DNAJC6: variants seen among roughly 807,000 people sequenced by gnomAD.
The protein encoded by DNAJC6 is auxilin.
A neutral mutation model predicts 110.0 loss-of-function variants in DNAJC6; 34 were observed. The observed-to-expected ratio is 0.31, with a 90% CI of 0.24 to 0.41. The LOEUF is 0.41. DNAJC6 is among the 10% of genes least tolerant of loss of function. DNAJC6 has a pLI of 1.00. For synonymous variants in DNAJC6, 406 were observed against 437.2 expected, an observed-to-expected ratio of 0.93 and a Z score of 0.89; for missense variants, 1,031 against 1,207.8, an observed-to-expected ratio of 0.85 and a Z score of 2.17.
intron 1 of DNAJC6, among the ~76,000 whole-genome samples, chr1:65,352,938 A>G (rs977616168): frequency 1.3e-5 from 2 of 152,134 alleles, no homozygotes; most frequent in African/African-American, 4.8e-5. Flanking sequence ...TGGTGCCTAT[A>G]TTGTCTCCCC....
At chr1:65,315,708 A>G (rs1570268115) in intron 1 of DNAJC6, among the ~76,000 whole-genome samples, 1 of 152,208 alleles carries the variant, frequency 6.6e-6, no homozygotes, top group African/African-American at 2.4e-5. Flanking sequence ...TATAAGGTAA[A>G]TGATAGTAAC....
intron 1 of DNAJC6, among the ~76,000 whole-genome samples, chr1:65,283,050 C>T (rs12024972): frequency 0.068 from 10,290 of 152,192 alleles, 516 homozygotes; most frequent in South Asian, 0.19. Flanking sequence ...CATCCTTCAT[C>T]CTCTAGCCTC....
chr1:65,274,467 C>G (rs1201424920), intron 1 of DNAJC6, among the ~76,000 whole-genome samples: 1 of 152,182 alleles, frequency 6.6e-6, no homozygotes, highest in African/African-American at 2.4e-5. Context: ...CAGGCGTGTG[C>G]CACCACACTC....
intron 1 of DNAJC6, among the ~76,000 whole-genome samples, chr1:65,348,624 T>C (rs1299778327): frequency 6.6e-6 from 1 of 152,084 alleles, no homozygotes; most frequent in Admixed American, 6.6e-5. Flanking sequence ...TATTTTCTCA[T>C]CCTTTGCTAT....
At chr1:65,309,255 G>A (rs1019671288), upstream of DNAJC6, among the ~76,000 whole-genome samples, 2 of 38,646 alleles carry the variant, frequency 5.2e-5, no homozygotes, top group Admixed American at 4.4e-4. Context: ...CCCCTCCCCC[G>A]ACCACCCCGC....
At chr1:65,363,801 C>A (rs913610434) in intron 1 of DNAJC6, among the ~76,000 whole-genome samples, 6 of 152,044 alleles carry the variant, frequency 3.9e-5, no homozygotes, top group African/African-American at 1.5e-4. Flanking sequence ...TTGAGAAGCC[C>A]TGGACTGGAG....
intron 18 of DNAJC6, 33 bp downstream of exon 18, chr1:65,411,459 C>A: frequency 6.3e-7 from 1 of 1,587,182 alleles, no homozygotes; most frequent in South Asian, 1.1e-5. Flanking sequence ...TGTAACTTGT[C>A]AGGTCCTTGC....
At chr1:65,276,526 G>A (rs1653676823) in intron 1 of DNAJC6, among the ~76,000 whole-genome samples, 5 of 152,050 alleles carry the variant, frequency 3.3e-5, no homozygotes, top group Admixed American at 3.3e-4. Context: ...GTCTACTTCT[G>A]GTTCTCCTAA....
At chr1:65,390,728 C>T (rs1040989415) in intron 11 of DNAJC6, among the ~76,000 whole-genome samples, 1 of 152,172 alleles carries the variant, frequency 6.6e-6, no homozygotes, top group African/African-American at 2.4e-5. Context: ...CTGCAGGCTT[C>T]AGTTTGATGA....
At chr1:65,319,877 T>C (rs1645182350) in intron 1 of DNAJC6, among the ~76,000 whole-genome samples, 1 of 152,136 alleles carries the variant, frequency 6.6e-6, no homozygotes, top group Non-Finnish European at 1.5e-5. Context: ...CTTATCCCTC[T>C]CTCTTCTCCT....
At chr1:65,389,150 A>G in intron 9 of DNAJC6, 106 bp from the exon 10 acceptor site, 1 of 1,036,484 alleles carries the variant, frequency 9.6e-7, no homozygotes. Context: ...TTTAGAAATG[A>G]GACTTAGATT....
At chr1:65,270,707 C>T (rs1310347702) in intron 1 of DNAJC6, among the ~76,000 whole-genome samples, 1 of 152,144 alleles carries the variant, frequency 6.6e-6, no homozygotes, top group Non-Finnish European at 1.5e-5. Flanking sequence ...GAGATGGAGT[C>T]TTGCTCTGTC....
chr1:65,411,310 A>G lies in DNAJC6; in HGVS notation c.2695A>G (p.Thr899Ala). 1 of 1,614,166 alleles carries G rather than the reference A, an allele frequency of 6.2e-7. No homozygotes were observed. The highest frequency in any genetic ancestry group is 1.1e-5 in the South Asian group (1 of 91,074). Residue 899 changes from threonine (T) to alanine (A), a missense_variant, in exon 18 of 19, where the codon ACC becomes GCC. Thr to Ala is a moderately conservative substitution (Grantham distance 58). Coordinates refer to ENST00000371069, the MANE Select transcript of DNAJC6 (RefSeq NM_001256864.2). ...NIRALLSTMH[T>A]VLWAGETKWK... is the part of the protein sequence containing the mutation. ...CAGAGCCCTTCTTTCCACGATGCAT[A>G]CCGTACTATGGGCTGGGGAGACCAA...
intron 1 of DNAJC6, among the ~76,000 whole-genome samples, chr1:65,312,758 G>A (rs1334126752): frequency 6.6e-6 from 1 of 152,052 alleles, no homozygotes; most frequent in Non-Finnish European, 1.5e-5. Flanking sequence ...TGGAGACTTG[G>A]GATCAAACCT....
intron 1 of DNAJC6, chr1:65,279,071 T>C: frequency 5.1e-6 from 5 of 985,270 alleles, no homozygotes; most frequent in Non-Finnish European, 6.0e-6. Flanking sequence ...CTGCATATGC[T>C]GAGAAAAAGG....
chr1:65,275,899 CTTT>C (rs34750466), intron 1 of DNAJC6, among the ~76,000 whole-genome samples: 1 of 138,834 alleles, frequency 7.2e-6, no homozygotes, highest in Non-Finnish European at 1.6e-5. Flanking sequence ...CTATTAGATT[CTTT>C]TTTTTTTTTT....
chr1:65,392,997 ATCTT>A (rs1164855929), intron 12 of DNAJC6, 132 bp downstream of exon 12: 1 of 803,462 alleles, frequency 1.2e-6, no homozygotes, highest in African/African-American at 1.8e-5. Flanking sequence ...GGAGGTCTGT[ATCTT>A]TATTTAAATT....
Position 65,328,680 on chromosome 1 carries a change from A to G in DNAJC6, c.193+18742A>G, listed in dbSNP as rs143415668. The stretch of plus-strand genomic sequence containing the variant: ...TCTTTTAAAAAAGTACTTGACCCCA[A>G]TGGGTCGGGCATTTATTTTATTTTG... On this transcript the variant is annotated intron_variant, in intron 1 of 18. Coordinates refer to ENST00000371069, the MANE Select transcript of DNAJC6 (RefSeq NM_001256864.2). Among the ~76,000 whole-genome samples the G allele has an allele frequency of 1.7e-4, 26 of 152,304 alleles. No homozygotes were observed. The East Asian group carries it at 2.3e-3, about 14-fold the overall frequency.
chr1:65,296,743 C>T (rs1285734972), intron 1 of DNAJC6, among the ~76,000 whole-genome samples: 15 of 152,052 alleles, frequency 9.9e-5, no homozygotes, highest in Non-Finnish European at 1.5e-4. Context: ...CACGCCACCA[C>T]GCCTGGCTAA....
Sources: gnomAD v4.1 joint callset for allele counts (sites outside exome capture counted in the v4.1 genomes callset) on GRCh38, gnomAD v4.1.1 for gene constraint, MANE v1.5 for transcripts, NCBI Gene and HGNC (gene_info 2026-07-23, HGNC 2026-07-21) for gene names.